Variants in DLG2 observed in about 807,000 individuals in gnomAD.
DLG2 encodes discs large MAGUK scaffold protein 2.
In DLG2, 45 loss-of-function variants were observed where a neutral mutation model predicts 132.5. The observed-to-expected ratio is 0.34, with a 90% CI of 0.27 to 0.44. The LOEUF (loss-of-function observed/expected upper bound fraction) is 0.44. Among genes scored for constraint, DLG2 ranks in the 20% least tolerant of loss-of-function variants. The pLI is 1.00. For synonymous variants in DLG2, 424 were observed against 419.6 expected (o/e 1.01, Z -0.13); for missense variants, 1,045 against 1,196.9 (o/e 0.87, Z 1.87).
intron 6 of DLG2, among the ~76,000 whole-genome samples, chr11:85,044,738 A>G (rs1044148816): frequency 6.6e-6 from 1 of 151,978 alleles, no homozygotes; most frequent in Non-Finnish European, 1.5e-5. Flanking sequence ...CAGAAAAGCA[A>G]TTTCTTAACA....
At position 84,976,753 on chromosome 11, in the gene DLG2, A is replaced by C. The variant is rs140380133; in HGVS notation, c.357+134908T>G. ...AAGATACAATTTTACTTATTTTTAG[A>C]CAGGTGCCTCAAAGACTTAAAACAC... On this transcript the variant is annotated intron_variant, in intron 6 of 27. Coordinates refer to ENST00000376104, the MANE Select transcript of DLG2 (RefSeq NM_001142699.3). Among the ~76,000 whole-genome samples, 260 of 152,258 alleles carry C rather than the reference A, an allele frequency of 1.7e-3. 1 individual carries two copies. Among genetic ancestry groups the C allele is most frequent in the Middle Eastern group, 0.014 (4 of 294 alleles).
At chr11:84,771,963 T>C (rs11826822) in intron 6 of DLG2, among the ~76,000 whole-genome samples, 2,807 of 152,158 alleles carry the variant, frequency 0.018, 84 homozygotes, top group African/African-American at 0.055. Flanking sequence ...CACAATCCCA[T>C]TGACAATAGC....
intron 3 of DLG2, among the ~76,000 whole-genome samples, chr11:85,522,315 G>T (rs897876412): frequency 3.9e-5 from 6 of 152,322 alleles, no homozygotes; most frequent in African/African-American, 1.4e-4. Context: ...CCTCTCCCTA[G>T]GTTTCAGAGG....
intron 3 of DLG2, among the ~76,000 whole-genome samples, chr11:85,534,421 G>C (rs1240808528): frequency 6.6e-6 from 1 of 151,702 alleles, no homozygotes; most frequent in Non-Finnish European, 1.5e-5. Flanking sequence ...CTGAAGTTTG[G>C]GCTTCTAATA....
intron 18 of DLG2, among the ~76,000 whole-genome samples, chr11:83,668,642 C>A (rs1217011697): frequency 6.6e-6 from 1 of 150,580 alleles, no homozygotes; most frequent in Admixed American, 6.6e-5. Flanking sequence ...TGTATATATA[C>A]ACACATGTGT....
At chr11:84,586,553 A>C (rs1045796852) in intron 6 of DLG2, among the ~76,000 whole-genome samples, 1 of 152,204 alleles carries the variant, frequency 6.6e-6, no homozygotes, top group Non-Finnish European at 1.5e-5. Context: ...GACTTTAAAA[A>C]TCATTTAAAT....
intron 8 of DLG2, among the ~76,000 whole-genome samples, chr11:84,195,268 A>G (rs537469737): frequency 1.3e-5 from 2 of 152,126 alleles, no homozygotes; most frequent in East Asian, 3.9e-4. Flanking sequence ...GGTTCAAGCA[A>G]TTCCCCTGCC....
chr11:83,760,511 C>T (rs921945764), intron 18 of DLG2, among the ~76,000 whole-genome samples: 18 of 151,810 alleles, frequency 1.2e-4, no homozygotes, highest in Admixed American at 5.3e-4. Flanking sequence ...CCTGCCACCA[C>T]GCCCGGCTAA....
At chr11:84,840,461 T>C (rs990327916) in intron 6 of DLG2, among the ~76,000 whole-genome samples, 4 of 152,132 alleles carry the variant, frequency 2.6e-5, no homozygotes, top group African/African-American at 9.7e-5. Context: ...GAAATAGAAA[T>C]ACCATTTGAC....
chr11:83,467,952 T>C (rs1445912760), intron 25 of DLG2, among the ~76,000 whole-genome samples: 3 of 151,332 alleles, frequency 2.0e-5, no homozygotes, highest in African/African-American at 4.8e-5. Context: ...TGCTATTACA[T>C]TATAGCACAC....
At chr11:84,559,648 A>T (rs1031638892) in intron 6 of DLG2, among the ~76,000 whole-genome samples, 21 of 152,178 alleles carry the variant, frequency 1.4e-4, no homozygotes, top group African/African-American at 5.1e-4. Flanking sequence ...AAAAGCTTCA[A>T]CATGCAAATA....
intron 15 of DLG2, among the ~76,000 whole-genome samples, chr11:83,878,390 A>T (rs2154071524): frequency 6.6e-6 from 1 of 152,254 alleles, no homozygotes; most frequent in East Asian, 1.9e-4. Flanking sequence ...ACTAGGTTTC[A>T]TCCCCATTTT....
chr11:85,093,918 AAACC>A (rs1391469670), intron 6 of DLG2, among the ~76,000 whole-genome samples: 10 of 152,318 alleles, frequency 6.6e-5, no homozygotes, highest in African/African-American at 2.4e-4. Context: ...ATTGCATCTC[AAACC>A]ATACTTAATT....
In DLG2 at chr11:83,699,545, G is replaced by GAA. The variant is rs1202881153; in HGVS notation, c.1826-66222_1826-66221dup. Among the ~76,000 whole-genome samples the GAA allele has an allele frequency of 1.0e-3, 124 of 121,892 alleles. 1 individual carries two copies. Among genetic ancestry groups the GAA allele is most frequent in the South Asian group, 9.5e-3 (33 of 3,476 alleles). The allele number at this position is 121,892 out of a possible 152,430, so 80.0% of individuals were successfully genotyped here. A position where few individuals can be genotyped will look rare whatever the true frequency, so the allele number is the denominator to read the frequency against. On this transcript the variant is annotated intron_variant, in intron 18 of 27. Transcript: ENST00000376104. Reference sequence around the variant, plus strand: ...CCCCGTCTCTACTAAAAATACAAAAGAAAAAAAAAAAAAAACTAGCCGGGC... The same window carrying GAA: ...CCCCGTCTCTACTAAAAATACAAAAGAAAAAAAAAAAAAAAAACTAGCCGGGC...
chr11:83,633,137 T>C, intron 19 of DLG2, 74 bp downstream of exon 19: 1 of 1,338,542 alleles, frequency 7.5e-7, no homozygotes, highest in South Asian at 1.2e-5. Flanking sequence ...GTTCTGTTGC[T>C]ACATGGTGTT....
intron 18 of DLG2, among the ~76,000 whole-genome samples, chr11:83,698,815 TTCC>T (rs879418769): frequency 0.039 from 6,010 of 152,276 alleles, 170 homozygotes; most frequent in South Asian, 0.09. Flanking sequence ...CTATGTTACC[TTCC>T]AGAGTGTGGT....
chr11:84,313,764 C>A (rs554190172), intron 7 of DLG2, among the ~76,000 whole-genome samples: 1 of 152,198 alleles, frequency 6.6e-6, no homozygotes, highest in African/African-American at 2.4e-5. Context: ...CTCCACTGTT[C>A]TGTGCTGCTT....
At chr11:83,472,690 C>T (rs779789634) in intron 23 of DLG2, 37 bp downstream of exon 23, 4 of 1,598,136 alleles carry the variant, frequency 2.5e-6, no homozygotes, top group East Asian at 4.5e-5. Context: ...CTCTTATGGC[C>T]CAGAAATTAG....
At chr11:84,113,472 G>T (rs935731412) in intron 9 of DLG2, among the ~76,000 whole-genome samples, 1 of 152,122 alleles carries the variant, frequency 6.6e-6, no homozygotes, top group Admixed American at 6.5e-5. Flanking sequence ...AAGTGAGATT[G>T]TTGTTTTAAG....
Sources: allele counts gnomAD v4.1 joint callset (sites outside exome capture counted in the v4.1 genomes callset), GRCh38; gene constraint gnomAD v4.1.1; transcripts MANE v1.5; gene names NCBI Gene and HGNC (gene_info 2026-07-23, HGNC 2026-07-21).